The following RERG variants were observed in gnomAD, a reference collection of about 807,000 sequenced individuals.
RERG encodes RAS like estrogen regulated growth inhibitor, also known as ras-related and estrogen-regulated growth inhibitor.
Under a neutral mutation model 23.2 loss-of-function variants are expected in RERG, and 25 were observed. The observed-to-expected ratio is 1.08, with a 90% CI of 0.79 to 1.50. The LOEUF (loss-of-function observed/expected upper bound fraction) is 1.50. Ranked by LOEUF, RERG falls within the 40% of genes most tolerant of loss-of-function variation. The pLI is 0.00. For missense variants in RERG, 253 were observed against 250.1 expected (o/e 1.01, Z -0.08); for synonymous variants, 81 against 89.1 (o/e 0.91, Z 0.51).
At chr12:15,130,086 GC>G (rs1864019117) in intron 2 of RERG, among the ~76,000 whole-genome samples, 1 of 152,130 alleles carries the variant, frequency 6.6e-6, no homozygotes, top group South Asian at 2.1e-4. Context: ...GTAGAGAATT[GC>G]CATCCATCCA....
At chr12:15,158,680 T>C (rs1258235217) in intron 2 of RERG, among the ~76,000 whole-genome samples, 1 of 152,162 alleles carries the variant, frequency 6.6e-6, no homozygotes, top group Non-Finnish European at 1.5e-5. Flanking sequence ...GACTAAAATG[T>C]CCCTCAGTTG....
intron 2 of RERG, among the ~76,000 whole-genome samples, chr12:15,140,684 T>G (rs1415260866): frequency 6.6e-6 from 1 of 152,132 alleles, no homozygotes; most frequent in Non-Finnish European, 1.5e-5. Context: ...GATACATAAT[T>G]CTAGGTAATT....
At chr12:15,120,388 G>A (rs539042785) in intron 3 of RERG, among the ~76,000 whole-genome samples, 8 of 151,866 alleles carry the variant, frequency 5.3e-5, no homozygotes, top group East Asian at 1.9e-4. Context: ...CACAGAAGGC[G>A]CTTGATAAAC....
intron 2 of RERG, among the ~76,000 whole-genome samples, chr12:15,152,455 A>G (rs1037645031): frequency 6.6e-6 from 1 of 152,186 alleles, no homozygotes; most frequent in Non-Finnish European, 1.5e-5. Context: ...ATATGGAAAA[A>G]ACTCTTGTTT....
At chr12:15,136,481 G>A (rs1316808172) in intron 2 of RERG, among the ~76,000 whole-genome samples, 2 of 151,786 alleles carry the variant, frequency 1.3e-5, no homozygotes, top group Non-Finnish European at 2.9e-5. Context: ...AGAAATAGGT[G>A]GAAGCTTATT....
chr12:15,128,353 T>C (rs1863984842), intron 2 of RERG, among the ~76,000 whole-genome samples: 3 of 152,222 alleles, frequency 2.0e-5, no homozygotes, highest in South Asian at 2.1e-4. Context: ...TCTGAAGATG[T>C]AGGCGATGAA....
chr12:15,162,936 T>C (rs1565524762), intron 2 of RERG, among the ~76,000 whole-genome samples: 1 of 152,210 alleles, frequency 6.6e-6, no homozygotes, highest in Non-Finnish European at 1.5e-5. Flanking sequence ...GAGTTTCCAT[T>C]CTTCCTATTA....
chr12:15,161,188 A>AAGAAAGAAAGAAAGAAAGAAAGAAAGAC, intron 2 of RERG, among the ~76,000 whole-genome samples: 1 of 149,324 alleles, frequency 6.7e-6, no homozygotes, highest in African/African-American at 2.5e-5. Flanking sequence ...GAAAGAAAGA[A>AAGAAAGAAAGAAAGAAAGAAAGAAAGAC]AGAAAGAAAG....
At chr12:15,195,491 C>T (rs1865130541) in intron 2 of RERG, among the ~76,000 whole-genome samples, 1 of 151,372 alleles carries the variant, frequency 6.6e-6, no homozygotes, top group African/African-American at 2.4e-5. Flanking sequence ...TTATGTATTC[C>T]AGTTCCATAA....
intron 2 of RERG, among the ~76,000 whole-genome samples, chr12:15,205,085 TTATC>T (rs1865265774): frequency 6.6e-6 from 1 of 151,840 alleles, no homozygotes; most frequent in South Asian, 2.1e-4. Flanking sequence ...CTCTGTATAA[TTATC>T]TAATATTATT....
intron 2 of RERG, among the ~76,000 whole-genome samples, chr12:15,133,646 T>C (rs1431115112): frequency 6.6e-6 from 1 of 152,014 alleles, no homozygotes; most frequent in East Asian, 1.9e-4. Context: ...AGAGTACCTT[T>C]AGCTTTTAGT....
chr12:15,167,883 CT>C (rs1048627520), intron 2 of RERG, among the ~76,000 whole-genome samples: 5 of 152,062 alleles, frequency 3.3e-5, no homozygotes, highest in Non-Finnish European at 7.4e-5. Context: ...AGGCAAAAGG[CT>C]TTCAGGTTGG....
intron 2 of RERG, among the ~76,000 whole-genome samples, chr12:15,159,149 A>G (rs1864567376): frequency 6.6e-6 from 1 of 152,120 alleles, no homozygotes; most frequent in Non-Finnish European, 1.5e-5. Context: ...TTTTTTATAC[A>G]CTTACTGTTT....
chr12:15,111,482 A>G (rs1863616269), intron 3 of RERG, 65 bp from the exon 4 acceptor site: 2 of 1,310,926 alleles, frequency 1.5e-6, no homozygotes, highest in African/African-American at 1.5e-5. Flanking sequence ...TTTGATCCTT[A>G]AAACTGAAAA....
At chr12:15,178,579 C>T (rs986700513) in intron 2 of RERG, among the ~76,000 whole-genome samples, 5 of 152,170 alleles carry the variant, frequency 3.3e-5, no homozygotes, top group Non-Finnish European at 7.4e-5. Context: ...ACTGTGAGAA[C>T]TTATGCGAGT....
intron 2 of RERG, among the ~76,000 whole-genome samples, chr12:15,180,323 G>A (rs1864906724): frequency 6.6e-6 from 1 of 152,070 alleles, no homozygotes; most frequent in East Asian, 1.9e-4. Context: ...TATGTGCCTG[G>A]GGGTCCCTGT....
intron 2 of RERG, among the ~76,000 whole-genome samples, chr12:15,213,228 C>T (rs1360798924): frequency 6.6e-6 from 1 of 152,116 alleles, no homozygotes; most frequent in African/African-American, 2.4e-5. Context: ...TCTATCAGCC[C>T]CCTCCCACAC....
chr12:15,172,719 C>T (rs78025521), intron 2 of RERG, among the ~76,000 whole-genome samples: 9,132 of 152,054 alleles, frequency 0.06, 927 homozygotes, highest in African/African-American at 0.21. Context: ...ATTTGCATTT[C>T]CCTAATGGCT....
intron 2 of RERG, among the ~76,000 whole-genome samples, chr12:15,207,517 T>C (rs929982722): frequency 6.6e-6 from 1 of 152,144 alleles, no homozygotes; most frequent in Non-Finnish European, 1.5e-5. Flanking sequence ...TTATGTTGTC[T>C]CTTATCCTGA....
Sources: allele counts gnomAD v4.1 joint callset (sites outside exome capture counted in the v4.1 genomes callset), GRCh38; gene constraint gnomAD v4.1.1; transcripts MANE v1.5; gene names NCBI Gene and HGNC (gene_info 2026-07-23, HGNC 2026-07-21).